KLHL2: variants seen among roughly 807,000 people sequenced by gnomAD.
KLHL2 encodes kelch like family member 2.
A neutral mutation model predicts 75.8 loss-of-function variants in KLHL2; 15 were observed. The observed-to-expected ratio is 0.20, with a 90% CI of 0.13 to 0.30. KLHL2 has a LOEUF of 0.30. Ranked by LOEUF, KLHL2 falls within the 10% of genes least tolerant of loss-of-function variation. The pLI, the probability that KLHL2 is intolerant of heterozygous loss-of-function variation, is 1.00. For synonymous variants in KLHL2, 214 were observed against 251.9 expected, an observed-to-expected ratio of 0.85 and a Z score of 1.42; for missense variants, 381 against 741.0, an observed-to-expected ratio of 0.51 and a Z score of 5.64.
At chr4:165,227,026 C>T (rs1197973262) in intron 2 of KLHL2, among the ~76,000 whole-genome samples, 1 of 152,328 alleles carries the variant, frequency 6.6e-6, no homozygotes, top group South Asian at 2.1e-4. Flanking sequence ...ACACCACTGA[C>T]TTTTCCACCC....
intron 2 of KLHL2, among the ~76,000 whole-genome samples, chr4:165,226,312 C>T (rs560277124): frequency 6.6e-6 from 1 of 152,330 alleles, no homozygotes; most frequent in South Asian, 2.1e-4. Context: ...GTTCCGCATT[C>T]TGCTTTGCTG....
chr4:165,250,045 ACC>A (rs1222959066), intron 4 of KLHL2, among the ~76,000 whole-genome samples: 2 of 151,428 alleles, frequency 1.3e-5, no homozygotes, highest in Non-Finnish European at 2.9e-5. Context: ...AATGGTGTGA[ACC>A]CAGGAGGCGG....
chr4:165,297,901 G>A (rs924553222), intron 7 of KLHL2, among the ~76,000 whole-genome samples, 176 bp downstream of exon 7: 2 of 152,136 alleles, frequency 1.3e-5, no homozygotes, highest in Non-Finnish European at 2.9e-5. Flanking sequence ...TCGGCTCTCC[G>A]CAACCTCCAC....
At chr4:165,218,512 C>T (rs187666459) in intron 1 of KLHL2, among the ~76,000 whole-genome samples, 3 of 152,210 alleles carry the variant, frequency 2.0e-5, no homozygotes, top group Non-Finnish European at 2.9e-5. Flanking sequence ...ACCCCTCCAC[C>T]GTCCCCACAT....
intron 1 of KLHL2, among the ~76,000 whole-genome samples, chr4:165,212,305 A>G (rs1206260781): frequency 6.6e-6 from 1 of 152,188 alleles, no homozygotes; most frequent in Non-Finnish European, 1.5e-5. Context: ...AATAGTTCAG[A>G]TAGGGTCAGG....
At chr4:165,306,303 G>A (rs1430857897) in intron 9 of KLHL2, among the ~76,000 whole-genome samples, 2 of 152,266 alleles carry the variant, frequency 1.3e-5, no homozygotes, top group African/African-American at 4.8e-5. Flanking sequence ...AATACATCTT[G>A]GAGATTGTTA....
rs895198922 is a variant in KLHL2, at chr4:165,319,113, A to T, written c.1753+1144A>T. Among the ~76,000 whole-genome samples, 16 of 152,196 alleles carry T rather than the reference A, an allele frequency of 1.1e-4. No homozygotes were observed. The highest frequency in any genetic ancestry group is 3.9e-4 in the African/African-American group (16 of 41,442). The stretch of plus-strand genomic sequence containing the variant: ...GAAATTAACTGTAGTATGTTACTGT[A>T]CTACTATAATAATTTTATAGCCGTC... On this transcript the variant is annotated intron_variant, in intron 14 of 14. Transcript: ENST00000226725. This position sits in a 1 kb window ranked among gnomAD's most constrained non-coding sequence, Gnocchi z 4.5.
intron 4 of KLHL2, among the ~76,000 whole-genome samples, chr4:165,240,997 C>T (rs1345226991): frequency 6.6e-6 from 1 of 152,122 alleles, no homozygotes; most frequent in African/African-American, 2.4e-5. Context: ...AAAACTCTTG[C>T]CATCCTAATT....
intron 4 of KLHL2, among the ~76,000 whole-genome samples, chr4:165,253,065 T>TC (rs1208977961): frequency 6.6e-6 from 1 of 152,238 alleles, no homozygotes. Context: ...GGAGTCTCGC[T>TC]CTGTTGCCCA....
chr4:165,304,665 C>G (rs1745591167), intron 8 of KLHL2, among the ~76,000 whole-genome samples: 1 of 152,184 alleles, frequency 6.6e-6, no homozygotes, highest in African/African-American at 2.4e-5. Context: ...TTTAGCAAGA[C>G]CATAGATCAG....
At chr4:165,228,173 A>G (rs541287833) in intron 2 of KLHL2, among the ~76,000 whole-genome samples, 2 of 152,258 alleles carry the variant, frequency 1.3e-5, no homozygotes, top group Non-Finnish European at 2.9e-5. Context: ...AAGTGTTGGG[A>G]TTATAGGCAT....
chr4:165,235,630 C>G (rs901851868), intron 3 of KLHL2, among the ~76,000 whole-genome samples: 13 of 152,074 alleles, frequency 8.5e-5, no homozygotes, highest in Non-Finnish European at 1.5e-4. Flanking sequence ...AGGCTTCATC[C>G]CTGTTCTCAG....
chr4:165,212,165 G>A (rs1255120144), intron 1 of KLHL2, among the ~76,000 whole-genome samples: 4 of 152,056 alleles, frequency 2.6e-5, no homozygotes, highest in African/African-American at 7.2e-5. Context: ...GCCAGATTTT[G>A]GGGATATCTC....
At chr4:165,307,976 A>G (rs1745863533) in intron 9 of KLHL2, among the ~76,000 whole-genome samples, 1 of 152,124 alleles carries the variant, frequency 6.6e-6, no homozygotes, top group Non-Finnish European at 1.5e-5. Flanking sequence ...TGCCTTTATC[A>G]TGTATTAAAT....
At chr4:165,208,380 G>C (rs932716069) in intron 1 of KLHL2, 2 of 152,288 alleles carry the variant, frequency 1.3e-5, no homozygotes, top group East Asian at 3.9e-4. Flanking sequence ...TAATATCTGA[G>C]GAGCTTTTGC....
chr4:165,311,815 G>C (rs916845219), intron 11 of KLHL2, among the ~76,000 whole-genome samples: 2,444 of 116,144 alleles, frequency 0.021, 64 homozygotes, highest in African/African-American at 0.089. Context: ...CTCTCTGTGT[G>C]TGTGTGTGTG....
rs1026276941 is a variant in KLHL2, at chr4:165,310,678, C to T, written c.1165C>T (p.Arg389Trp). ...GACCAGCGTTGCTAACATGAGAGACCGGAGAAGCACTTTGGGAGCTGCTGT... is the reference window on the plus strand; with the variant it reads ...GACCAGCGTTGCTAACATGAGAGACTGGAGAAGCACTTTGGGAGCTGCTGT... ...QWTSVANMRD[R>W]RSTLGAAVLN... Residue 389 changes from arginine (R) to tryptophan (W), a missense_variant, in exon 10 of 15, where the codon CGG becomes TGG. Around this residue, in one of 5 missense-constraint regions of KLHL2, gnomAD observed 168 missense variants for 370.4 expected, o/e 0.45. Transcript: ENST00000226725. 3.1e-6 allele frequency: 5 copies of T among 1,613,980 alleles called. No homozygotes were observed. Among genetic ancestry groups the T allele is most frequent in the East Asian group, 2.2e-5 (1 of 44,876 alleles).
At chr4:165,210,491 G>A (rs1218990504) in intron 1 of KLHL2, among the ~76,000 whole-genome samples, 1 of 152,026 alleles carries the variant, frequency 6.6e-6, no homozygotes, top group East Asian at 1.9e-4. Context: ...ATTGTCGTTG[G>A]ACTATATATT....
rs551256940 is a variant in KLHL2 at position 165,232,449 on chromosome 4, G to A, written c.259+3536G>A. On this transcript the variant is annotated intron_variant, in intron 3 of 14. Transcript: ENST00000226725. ...CTCAAAAAAAAAAAAAAAAGATAAA[G>A]GCAGGGCGCAGTGGCTCATGCCTGT... Among the ~76,000 whole-genome samples the A allele has an allele frequency of 4.3e-3, 652 of 151,374 alleles. 6 individuals carry two copies. The highest frequency in any genetic ancestry group is 0.015 in the African/African-American group (626 of 41,230).
Sources: allele counts gnomAD v4.1 joint callset (sites outside exome capture counted in the v4.1 genomes callset), GRCh38; gene constraint gnomAD v4.1.1; regional missense constraint gnomAD v4.1.1; non-coding constraint Gnocchi (gnomAD v3.1); transcripts MANE v1.5; gene names NCBI Gene and HGNC (gene_info 2026-07-23, HGNC 2026-07-21).